The following SLCO2A1 variants were observed in gnomAD, a reference collection of about 807,000 sequenced individuals.
SLCO2A1 encodes solute carrier organic anion transporter family member 2A1.
A neutral mutation model predicts 71.7 loss-of-function variants in SLCO2A1; 60 were observed. The ratio of observed to expected loss-of-function variants is 0.84; its 90% CI spans 0.68 to 1.04. The LOEUF is 1.04. Among genes scored for constraint, SLCO2A1 ranks in the 50% least tolerant of loss-of-function variants. The pLI, the probability that SLCO2A1 is intolerant of heterozygous loss-of-function variation, is 0.00. For missense variants in SLCO2A1, 745 were observed against 813.4 expected, an observed-to-expected ratio of 0.92 and a Z score of 1.02; for synonymous variants, 308 against 326.7, an observed-to-expected ratio of 0.94 and a Z score of 0.62.
At chr3:133,991,376 A>G (rs1934840844) in intron 1 of SLCO2A1, among the ~76,000 whole-genome samples, 1 of 152,182 alleles carries the variant, frequency 6.6e-6, no homozygotes, top group Admixed American at 6.5e-5. Context: ...AATCTAAACC[A>G]TGGCCCAATG....
chr3:134,015,629 C>T (rs1410596103), intron 1 of SLCO2A1, among the ~76,000 whole-genome samples: 2 of 152,146 alleles, frequency 1.3e-5, no homozygotes, highest in Admixed American at 6.5e-5. Context: ...GGTCAAGATA[C>T]ATTAATTAGC....
intron 1 of SLCO2A1, among the ~76,000 whole-genome samples, chr3:133,993,594 G>A (rs184668899): frequency 1.2e-3 from 188 of 152,100 alleles, no homozygotes; most frequent in Non-Finnish European, 1.9e-3. Context: ...TAATTATCAC[G>A]GATATTTATG....
intron 1 of SLCO2A1, among the ~76,000 whole-genome samples, chr3:134,015,085 T>A (rs1935418881): frequency 1.3e-5 from 2 of 152,174 alleles, no homozygotes; most frequent in Admixed American, 6.5e-5. Flanking sequence ...AAATTTGGTA[T>A]CCATAAGATA....
Position 133,947,314 on chromosome 3 carries a change from C to T in SLCO2A1, c.1237G>A (p.Val413Ile). The change falls in exon 9 of 14, where the codon GTT becomes ATT. Residue 413 changes from valine (V) to isoleucine (I), a missense_variant. By Grantham distance (29) the Val-to-Ile change is conservative. Coordinates refer to ENST00000310926, the MANE Select transcript of SLCO2A1 (RefSeq NM_005630.3). ...GAGCATCCCATGAAGAACAAAGGAA[C>T]ACAAAGGATCATGGAGATGGTGATG... is the stretch of plus-strand genomic sequence containing the variant. The part of the protein sequence containing the change: ...TIITISMILC[V>I]PLFFMGCSTP... 2 of 1,614,048 alleles carry T rather than the reference C, an allele frequency of 1.2e-6. No individual in the cohort carries two copies. Among genetic ancestry groups the T allele is most frequent in the Non-Finnish European group, 8.5e-7 (1 of 1,180,016 alleles).
At chr3:133,994,350 T>C (rs1247372487) in intron 1 of SLCO2A1, among the ~76,000 whole-genome samples, 2 of 152,186 alleles carry the variant, frequency 1.3e-5, no homozygotes, top group African/African-American at 4.8e-5. Context: ...TGCTCCACCA[T>C]GCTGCCTGGG....
chr3:133,978,748 C>G (rs1934516734), intron 2 of SLCO2A1, among the ~76,000 whole-genome samples: 1 of 152,140 alleles, frequency 6.6e-6, no homozygotes, highest in African/African-American at 2.4e-5. Flanking sequence ...GCCCTGTCTC[C>G]AGACTATGGA....
At chr3:134,000,170 C>T (rs1410449161) in intron 1 of SLCO2A1, among the ~76,000 whole-genome samples, 1 of 152,086 alleles carries the variant, frequency 6.6e-6, no homozygotes, top group Non-Finnish European at 1.5e-5. Context: ...GCAAGGAGCT[C>T]AAGATGCCAG....
chr3:133,970,821 C>T (rs2108053792), intron 3 of SLCO2A1, among the ~76,000 whole-genome samples: 1 of 152,386 alleles, frequency 6.6e-6, no homozygotes, highest in East Asian at 1.9e-4. Flanking sequence ...TGGTGCGCCC[C>T]TGCAGCCTTG....
Position 133,975,177 on chromosome 3 carries a change from G to A in SLCO2A1, c.235-1352C>T, listed in dbSNP as rs185395226. 3.3e-5 allele frequency among the ~76,000 whole-genome samples: 5 copies of A among 152,084 alleles called. No individual in the cohort carries two copies. The East Asian group carries it at 5.8e-4, about 18-fold the overall frequency. On this transcript the variant is annotated intron_variant, in intron 2 of 13. Coordinates refer to ENST00000310926, the MANE Select transcript of SLCO2A1 (RefSeq NM_005630.3). ...AGTTCCATGGCTATTTATGCTCTGC[G>A]TGTGCTTCTAAGTCCCACAGTCTCA... is the stretch of plus-strand genomic sequence containing the variant.
At chr3:133,996,697 C>G (rs1419736435) in intron 1 of SLCO2A1, among the ~76,000 whole-genome samples, 5 of 152,198 alleles carry the variant, frequency 3.3e-5, no homozygotes, top group Admixed American at 2.6e-4. Context: ...GGCTGTCTTC[C>G]AAGACCTCAT....
intron 3 of SLCO2A1, 134 bp downstream of exon 3, chr3:133,973,529 A>G: frequency 1.1e-6 from 1 of 932,008 alleles, no homozygotes; most frequent in South Asian, 1.7e-5. Flanking sequence ...ATAGCTCTAC[A>G]TACTTCAGTA....
chr3:134,004,535 T>C (rs1209815008), intron 1 of SLCO2A1, among the ~76,000 whole-genome samples: 2 of 152,192 alleles, frequency 1.3e-5, no homozygotes, highest in Non-Finnish European at 2.9e-5. Context: ...GGTTTCGCCA[T>C]GTTGGCCAGG....
chr3:133,947,357 G>A lies in SLCO2A1; in HGVS notation c.1194C>T (p.Pro398=), dbSNP rs1048204697. 1.2e-6 allele frequency: 2 copies of A among 1,614,008 alleles called. No individual in the cohort carries two copies. The highest frequency in any genetic ancestry group is 2.2e-5 in the East Asian group (1 of 44,892). The stretch of plus-strand genomic sequence containing the variant: ...TGGTGATGATGGTGGTAGCTATGCG[G>A]GGAATGGCTTGTAGAGAGAAAACAA... The part of the protein sequence containing the change: ...KRFVFSLQAI[P]RIATTIITIS... The change falls in exon 9 of 14, where the codon CCC becomes CCT. Residue 398 remains proline, a synonymous_variant. Coordinates refer to ENST00000310926, the MANE Select transcript of SLCO2A1 (RefSeq NM_005630.3).
chr3:133,973,950 G>T, intron 2 of SLCO2A1, 125 bp from the exon 3 acceptor site: 1 of 953,984 alleles, frequency 1.0e-6, no homozygotes, highest in Non-Finnish European at 1.5e-6. Flanking sequence ...TGTCAGCTGG[G>T]GCCCAGACAG....
intron 2 of SLCO2A1, among the ~76,000 whole-genome samples, chr3:133,974,661 C>T (rs1229947870): frequency 6.6e-6 from 1 of 152,204 alleles, no homozygotes; most frequent in Non-Finnish European, 1.5e-5. Flanking sequence ...CTCTGAGCCC[C>T]ACCCAGAACC....
intron 1 of SLCO2A1, among the ~76,000 whole-genome samples, chr3:134,013,676 C>G (rs1292818338): frequency 6.6e-6 from 1 of 152,200 alleles, no homozygotes; most frequent in Non-Finnish European, 1.5e-5. Flanking sequence ...TCAATTCACT[C>G]CACCTGGGAG....
At chr3:133,967,568 G>A (rs147378731) in intron 3 of SLCO2A1, among the ~76,000 whole-genome samples, 56 of 152,200 alleles carry the variant, frequency 3.7e-4, no homozygotes, top group Admixed American at 1.6e-3. Flanking sequence ...CTGCTCATCC[G>A]TTCAGGGCTC....
In SLCO2A1 at chr3:133,965,599, C is replaced by A. The variant is rs1934144638; in HGVS notation, c.397+8064G>T. Among the ~76,000 whole-genome samples the A allele has an allele frequency of 3.3e-5, 4 of 120,370 alleles. No homozygotes were observed. The Admixed American group carries it at 3.5e-4, about 11-fold the overall frequency. 79.0% of individuals were successfully genotyped at this position (120,370 alleles called of 152,430 possible). A position where few individuals can be genotyped will look rare whatever the true frequency, so the allele number is the denominator to read the frequency against. On this transcript the variant is annotated intron_variant, in intron 3 of 13. Coordinates refer to ENST00000310926, the MANE Select transcript of SLCO2A1 (RefSeq NM_005630.3). Reference sequence around the variant, plus strand: ...TACAGGGAGAAAATATGAAGCTTGACCGTAGCTTCAAGGAATTCAGCTAGT... The same window carrying A: ...TACAGGGAGAAAATATGAAGCTTGAACGTAGCTTCAAGGAATTCAGCTAGT...
chr3:133,954,262 G>A (rs4854597), intron 4 of SLCO2A1, among the ~76,000 whole-genome samples: 43,265 of 149,856 alleles, frequency 0.29, 7,306 homozygotes, highest in Non-Finnish European at 0.36. Flanking sequence ...TCCTGGGTTC[G>A]AGTGATTCTC....
Sources: gnomAD v4.1 joint callset for allele counts (sites outside exome capture counted in the v4.1 genomes callset) on GRCh38, gnomAD v4.1.1 for gene constraint, MANE v1.5 for transcripts, NCBI Gene and HGNC (gene_info 2026-07-23, HGNC 2026-07-21) for gene names.